Variants in OR3A2 observed in about 807,000 individuals in gnomAD.
OR3A2 encodes the protein olfactory receptor family 3 subfamily A member 2, also known as olfactory receptor 3A2.
For synonymous variants in OR3A2, 126 were observed against 159.3 expected, an observed-to-expected ratio of 0.79 and a Z score of 1.57; for missense variants, 318 against 392.8, an observed-to-expected ratio of 0.81 and a Z score of 1.61.
chr17:3,314,453 A>C (rs935987845), intron 3 of OR3A2, among the ~76,000 whole-genome samples: 4 of 152,146 alleles, frequency 2.6e-5, no homozygotes, highest in Non-Finnish European at 4.4e-5. Context: ...TTGACATGAG[A>C]AGTTGTATAG....
chr17:3,304,404 C>G (rs934749336), intron 3 of OR3A2, among the ~76,000 whole-genome samples: 2 of 152,194 alleles, frequency 1.3e-5, no homozygotes, highest in Non-Finnish European at 2.9e-5. Flanking sequence ...TTCAGAAGAC[C>G]ACTGGGCTCT....
intron 2 of OR3A2, among the ~76,000 whole-genome samples, chr17:3,347,599 A>C (rs1452541209): frequency 6.6e-6 from 1 of 152,214 alleles, no homozygotes; most frequent in Non-Finnish European, 1.5e-5. Flanking sequence ...GCTGCATAGT[A>C]TTCCATGGTG....
At chr17:3,368,866 G>A (rs2049586367) in intron 2 of OR3A2, among the ~76,000 whole-genome samples, 1 of 152,170 alleles carries the variant, frequency 6.6e-6, no homozygotes, top group African/African-American at 2.4e-5. Context: ...ACCCATTCAT[G>A]AGCATGGGAT....
chr17:3,378,499 G>A (rs531415006), intron 2 of OR3A2, among the ~76,000 whole-genome samples: 1 of 152,252 alleles, frequency 6.6e-6, no homozygotes, highest in East Asian at 1.9e-4. Context: ...GGGATGCTTG[G>A]GTCCAGAGCC....
chr17:3,310,616 C>T (rs563034862), intron 3 of OR3A2: 37 of 540,524 alleles, frequency 6.8e-5, no homozygotes, highest in South Asian at 4.1e-4. Flanking sequence ...CCTGCCTCTC[C>T]GAGCTCTTCT....
intron 3 of OR3A2, among the ~76,000 whole-genome samples, chr17:3,316,720 T>C (rs1215890631): frequency 6.6e-6 from 1 of 152,164 alleles, no homozygotes; most frequent in East Asian, 1.9e-4. Flanking sequence ...CCAGAGGCCA[T>C]AGAGTTAGGC....
chr17:3,376,636 T>A (rs528234079), intron 2 of OR3A2, among the ~76,000 whole-genome samples: 1 of 152,214 alleles, frequency 6.6e-6, no homozygotes, highest in African/African-American at 2.4e-5. Context: ...ACTCCCATCA[T>A]GACCCACCAA....
rs1360101325 is a variant in OR3A2 at position 3,278,059 on chromosome 17, T to C, written c.859A>G (p.Met287Val). Residue 287 changes from methionine (M) to valine (V), a missense_variant, in exon 2 of 2, where the codon ATG becomes GTG. Physicochemically the swap from Met to Val is conservative, Grantham distance 21 (BLOSUM62 1). Coordinates refer to ENST00000642052, the Ensembl canonical transcript of OR3A2. Reference sequence around the variant, plus strand: ...AGGCTGTAGATAAGAGGGTTCAGCATAGGGTTGATAACAGTGTTGAAAACT... The same window carrying C: ...AGGCTGTAGATAAGAGGGTTCAGCACAGGGTTGATAACAGTGTTGAAAACT... 15 of 1,614,000 alleles carry C rather than the reference T, an allele frequency of 9.3e-6. No individual in the cohort carries two copies. In the East Asian group the frequency reaches 3.3e-4, roughly 36 times the overall value.
chr17:3,280,826 ACTG>A (rs775635841), intron 1 of OR3A2, among the ~76,000 whole-genome samples: 4 of 152,188 alleles, frequency 2.6e-5, no homozygotes, highest in Non-Finnish European at 5.9e-5. Context: ...GACTGATATG[ACTG>A]CCTAGGGGTG....
At chr17:3,304,792 G>A (rs554968108) in intron 3 of OR3A2, among the ~76,000 whole-genome samples, 1 of 150,774 alleles carries the variant, frequency 6.6e-6, no homozygotes, top group Admixed American at 6.6e-5. Context: ...AACAAACTAG[G>A]TATATTCATA....
intron 2 of OR3A2, among the ~76,000 whole-genome samples, chr17:3,339,324 A>G (rs866232184): frequency 6.6e-6 from 1 of 152,222 alleles, no homozygotes; most frequent in African/African-American, 2.4e-5. Flanking sequence ...GAGTGGTGAG[A>G]GAGGGCATCC....
At chr17:3,331,458 A>T (rs1567557685) in intron 3 of OR3A2, among the ~76,000 whole-genome samples, 1 of 151,088 alleles carries the variant, frequency 6.6e-6, no homozygotes, top group African/African-American at 2.4e-5. Flanking sequence ...ACTTCATTTC[A>T]TTCATTTCAT....
chr17:3,301,678 C>T (rs1385077648), intron 3 of OR3A2, among the ~76,000 whole-genome samples: 1 of 152,144 alleles, frequency 6.6e-6, no homozygotes, highest in Non-Finnish European at 1.5e-5. Flanking sequence ...TTTTGCTGTG[C>T]AGAAGCTCTT....
intron 2 of OR3A2, among the ~76,000 whole-genome samples, chr17:3,340,973 G>A (rs1258522887): frequency 6.6e-6 from 1 of 152,202 alleles, no homozygotes; most frequent in East Asian, 1.9e-4. Flanking sequence ...TATATATTTA[G>A]GATAGTTAGC....
At chr17:3,308,687 A>G (rs903729304) in intron 3 of OR3A2, among the ~76,000 whole-genome samples, 5 of 152,146 alleles carry the variant, frequency 3.3e-5, no homozygotes, top group Admixed American at 3.3e-4. Flanking sequence ...TGGTAAGAGC[A>G]TGTCCATGCA....
At chr17:3,289,288 C>G (rs2048843107), upstream of OR3A2, among the ~76,000 whole-genome samples, 1 of 152,176 alleles carries the variant, frequency 6.6e-6, no homozygotes, top group Non-Finnish European at 1.5e-5. Context: ...AAGGAGATTT[C>G]CAGTTTGAAA....
Position 3,370,670 on chromosome 17 carries a change from G to A in OR3A2, c.-179+13134C>T, listed in dbSNP as rs201965229. Among the ~76,000 whole-genome samples, 562 of 149,464 alleles carry A rather than the reference G, an allele frequency of 3.8e-3. 4 individuals are homozygous for A. Among genetic ancestry groups the A allele is most frequent in the East Asian group, 0.03 (152 of 5,084 alleles). The stretch of plus-strand genomic sequence containing the variant: ...TATTGTTCATTCTTGGGTGTTTCTC[G>A]CAGAGGGGGATTTGGCAGGGTCATA... On this transcript the variant is annotated intron_variant, in intron 2 of 4. Transcript: ENST00000573491.
intron 3 of OR3A2, among the ~76,000 whole-genome samples, chr17:3,330,067 G>T (rs1164194239): frequency 1.4e-5 from 2 of 145,622 alleles, no homozygotes; most frequent in Non-Finnish European, 1.5e-5. Flanking sequence ...TTGCACTGTT[G>T]TCTGAGAGAT....
At chr17:3,300,945 G>T (rs1365944651) in intron 3 of OR3A2, among the ~76,000 whole-genome samples, 3 of 150,752 alleles carry the variant, frequency 2.0e-5, no homozygotes, top group Non-Finnish European at 4.4e-5. Context: ...TGCGGTGTTT[G>T]GTTTTCTGTC....
Sources: gnomAD v4.1 joint callset for allele counts (sites outside exome capture counted in the v4.1 genomes callset) on GRCh38, gnomAD v4.1.1 for gene constraint, MANE v1.5 for transcripts, NCBI Gene and HGNC (gene_info 2026-07-23, HGNC 2026-07-21) for gene names.